Variants in PSD3 observed in about 807,000 individuals in gnomAD.
The protein encoded by PSD3 is PH and SEC7 domain-containing protein 3.
A neutral mutation model predicts 105.5 loss-of-function variants in PSD3; 49 were observed. The observed-to-expected ratio is 0.46, with a 90% CI of 0.37 to 0.59. The LOEUF is 0.59. Among genes scored for constraint, PSD3 ranks in the 20% least tolerant of loss-of-function variants. The probability of loss-of-function intolerance (pLI) is 0.00; values close to 1 mark genes in which losing one functional copy is unlikely to be tolerated. For synonymous variants in PSD3, 557 were observed against 457.8 expected (o/e 1.22, Z -2.77); for missense variants, 1,561 against 1,263.8 (o/e 1.24, Z -3.57).
intron 4 of PSD3, among the ~76,000 whole-genome samples, chr8:18,861,663 C>G (rs924845809): frequency 1.3e-5 from 2 of 152,132 alleles, no homozygotes; most frequent in Non-Finnish European, 2.9e-5. Context: ...GTCAAACATT[C>G]ATCAAATCCT....
At chr8:18,866,844 T>A (rs1345076507) in intron 4 of PSD3, among the ~76,000 whole-genome samples, 1 of 151,348 alleles carries the variant, frequency 6.6e-6, no homozygotes, top group Non-Finnish European at 1.5e-5. Context: ...TTTAAAATAG[T>A]TGATCACCAT....
intron 8 of PSD3, among the ~76,000 whole-genome samples, chr8:18,783,237 T>G (rs1808807553): frequency 6.6e-6 from 1 of 152,184 alleles, no homozygotes; most frequent in African/African-American, 2.4e-5. Context: ...AAGAATTTGT[T>G]CATTTCATCT....
chr8:18,859,226 T>C (rs1377583753), intron 4 of PSD3, among the ~76,000 whole-genome samples: 1 of 142,676 alleles, frequency 7.0e-6, no homozygotes, highest in Non-Finnish European at 1.5e-5. Flanking sequence ...AAGAAATCCT[T>C]TTTTTTTTTT....
chr8:18,959,084 C>T (rs949210185), intron 1 of PSD3, among the ~76,000 whole-genome samples: 1 of 152,078 alleles, frequency 6.6e-6, no homozygotes, highest in Non-Finnish European at 1.5e-5. Context: ...TCACGCTCAG[C>T]TAATTTTTGT....
intron 12 of PSD3, among the ~76,000 whole-genome samples, chr8:18,577,961 T>C (rs145243729): frequency 1.1e-3 from 161 of 152,222 alleles, no homozygotes; most frequent in African/African-American, 3.7e-3. Context: ...TATACTGTTT[T>C]ATTCTTATCC....
chr8:18,552,235 A>C (rs1800811414), intron 15 of PSD3, among the ~76,000 whole-genome samples: 1 of 152,206 alleles, frequency 6.6e-6, no homozygotes, highest in South Asian at 2.1e-4. Flanking sequence ...CATGGATTTA[A>C]TAGGCTTGGG....
chr8:18,961,516 C>A lies in PSD3; in HGVS notation c.22-25374G>T, dbSNP rs4480159. On this transcript the variant is annotated intron_variant, in intron 1 of 15. Transcript: ENST00000327040. ...CCAGCCTGGCCAACATGATGAAACC[C>A]CATCTCTACTAAAAAATAGAAAAAT... Among the ~76,000 whole-genome samples, 1,319 of 152,192 alleles carry A rather than the reference C, an allele frequency of 8.7e-3. 8 individuals carry two copies. Among genetic ancestry groups the A allele is most frequent in the Middle Eastern group, 0.027 (8 of 294 alleles).
intron 9 of PSD3, among the ~76,000 whole-genome samples, chr8:18,711,423 A>G (rs1444246151): frequency 6.6e-6 from 1 of 152,220 alleles, no homozygotes; most frequent in Non-Finnish European, 1.5e-5. Context: ...AATAGGCTCA[A>G]AATAAATGGA....
chr8:18,792,564 G>A (rs910649511), intron 8 of PSD3, among the ~76,000 whole-genome samples: 1 of 152,190 alleles, frequency 6.6e-6, no homozygotes, highest in African/African-American at 2.4e-5. Context: ...GCCTGTCAGA[G>A]GGTGGAGGGT....
At chr8:18,560,862 G>C (rs975474180) in intron 14 of PSD3, among the ~76,000 whole-genome samples, 4 of 152,204 alleles carry the variant, frequency 2.6e-5, no homozygotes, top group African/African-American at 7.2e-5. Context: ...AGTATTAAGA[G>C]ATGGTGCCTT....
intron 9 of PSD3, among the ~76,000 whole-genome samples, chr8:18,740,004 C>A (rs904667473): frequency 2.0e-5 from 3 of 152,138 alleles, no homozygotes; most frequent in Non-Finnish European, 2.9e-5. Flanking sequence ...TAACAGACTG[C>A]GTAGTAACTT....
At chr8:18,942,101 G>A (rs750713772) in intron 1 of PSD3, among the ~76,000 whole-genome samples, 3 of 152,138 alleles carry the variant, frequency 2.0e-5, no homozygotes, top group Non-Finnish European at 4.4e-5. Flanking sequence ...GATGGGGCTA[G>A]AGGAGTGAGG....
At chr8:18,627,267 G>A (rs1806552578) in intron 11 of PSD3, among the ~76,000 whole-genome samples, 1 of 151,960 alleles carries the variant, frequency 6.6e-6, no homozygotes, top group African/African-American at 2.4e-5. Context: ...GTTTAGTGAT[G>A]CGGAGATAAG....
intron 1 of PSD3, among the ~76,000 whole-genome samples, chr8:19,078,353 T>C (rs965145634): frequency 2.6e-5 from 4 of 152,236 alleles, no homozygotes; most frequent in South Asian, 2.1e-4. Flanking sequence ...CCCCAAAGTC[T>C]ATAACATGTA....
chr8:18,935,955 T>C, intron 2 of PSD3, 79 bp downstream of exon 2: 1 of 856,102 alleles, frequency 1.2e-6, no homozygotes, highest in Middle Eastern at 2.3e-4. Flanking sequence ...AAGAAAGTAA[T>C]GCAGGTGGAG....
At chr8:18,692,657 C>G (rs1174510262) in intron 9 of PSD3, among the ~76,000 whole-genome samples, 1 of 152,002 alleles carries the variant, frequency 6.6e-6, no homozygotes, top group Non-Finnish European at 1.5e-5. Context: ...AGTAACAGAA[C>G]CTGATTGGAA....
At chr8:19,022,323 T>A (rs1024365964) in intron 1 of PSD3, among the ~76,000 whole-genome samples, 2 of 152,204 alleles carry the variant, frequency 1.3e-5, no homozygotes, top group African/African-American at 4.8e-5. Flanking sequence ...TCTATTCCAG[T>A]TCCTCAGTCC....
intron 4 of PSD3, among the ~76,000 whole-genome samples, chr8:18,865,553 T>C (rs1816861486): frequency 6.6e-6 from 1 of 151,976 alleles, no homozygotes; most frequent in South Asian, 2.1e-4. Context: ...AACCACTTAT[T>C]ATCATATGCC....
At chr8:18,844,643 C>T (rs1003650750) in intron 4 of PSD3, among the ~76,000 whole-genome samples, 2 of 152,078 alleles carry the variant, frequency 1.3e-5, no homozygotes, top group Non-Finnish European at 2.9e-5. Context: ...TTTTCATTTC[C>T]AACCACAACC....
Sources: gnomAD v4.1 joint callset for allele counts (sites outside exome capture counted in the v4.1 genomes callset) on GRCh38, gnomAD v4.1.1 for gene constraint, MANE v1.5 for transcripts, NCBI Gene and HGNC (gene_info 2026-07-23, HGNC 2026-07-21) for gene names.